The following HDAC9 variants were observed in gnomAD, a reference collection of about 807,000 sequenced individuals.
The protein encoded by HDAC9 is MEF-2 interacting transcription repressor (MITR) protein.
Under a neutral mutation model 139.4 loss-of-function variants are expected in HDAC9, and 41 were observed. The ratio of observed to expected loss-of-function variants is 0.29; its 90% CI spans 0.23 to 0.38. HDAC9 has a LOEUF of 0.38. HDAC9 is among the 10% of genes least tolerant of loss of function. The pLI is 1.00. For synonymous variants in HDAC9, 517 were observed against 476.2 expected, an observed-to-expected ratio of 1.09 and a Z score of -1.12; for missense variants, 1,147 against 1,297.0, an observed-to-expected ratio of 0.88 and a Z score of 1.78.
chr7:18,529,990 G>A (rs746771389), intron 2 of HDAC9, among the ~76,000 whole-genome samples: 3 of 152,018 alleles, frequency 2.0e-5, no homozygotes, highest in Non-Finnish European at 2.9e-5. Context: ...ATAATTACAG[G>A]TCGGGCACGG....
chr7:18,379,071 T>C (rs1785221021), intron 1 of HDAC9, among the ~76,000 whole-genome samples: 1 of 152,218 alleles, frequency 6.6e-6, no homozygotes, highest in Non-Finnish European at 1.5e-5. Flanking sequence ...AATGCAGCTA[T>C]TGACATTTAT....
At chr7:18,330,039 C>T (rs974626954) in intron 1 of HDAC9, among the ~76,000 whole-genome samples, 1 of 150,816 alleles carries the variant, frequency 6.6e-6, no homozygotes, top group African/African-American at 2.4e-5. Flanking sequence ...AGGTATGATA[C>T]CCACCTCTCA....
intron 1 of HDAC9, among the ~76,000 whole-genome samples, chr7:18,090,826 A>G (rs567127011): frequency 1.2e-4 from 18 of 152,248 alleles, no homozygotes; most frequent in Non-Finnish European, 2.2e-4. Context: ...TTCCATGTAG[A>G]TCTCATATCT....
chr7:18,307,357 C>T (rs1030517158), intron 1 of HDAC9, among the ~76,000 whole-genome samples: 1 of 152,246 alleles, frequency 6.6e-6, no homozygotes, highest in African/African-American at 2.4e-5. Context: ...TGAGAATCAT[C>T]TTGAACACAT....
chr7:18,849,460 C>G (rs1230665000), intron 21 of HDAC9, among the ~76,000 whole-genome samples: 1 of 152,094 alleles, frequency 6.6e-6, no homozygotes, highest in Non-Finnish European at 1.5e-5. Context: ...TAATATTTTA[C>G]AGTCATATAT....
chr7:18,996,531 T>C lies in HDAC9; in HGVS notation c.*469T>C, dbSNP rs1000402412. 6.5e-6 allele frequency: 1 copy of C among 154,862 alleles called. No individual in the cohort carries two copies. Among genetic ancestry groups the C allele is most frequent in the Non-Finnish European group, 1.4e-5 (1 of 69,720 alleles). The allele number at this position is 154,862 out of a possible 1,614,324, so 9.6% of individuals were successfully genotyped here. On this transcript the variant is annotated 3_prime_UTR_variant, in exon 26 of 26. Coordinates refer to ENST00000686413, the MANE Select transcript of HDAC9 (RefSeq NM_178425.4). Reference sequence around the variant, plus strand: ...TTAACTTGTTTACAAGATTTGCTTTTAGCTATGAACGGATCGTAATTCCAC... The same window carrying C: ...TTAACTTGTTTACAAGATTTGCTTTCAGCTATGAACGGATCGTAATTCCAC...
At chr7:18,090,181 T>C (rs182071488) in intron 1 of HDAC9, among the ~76,000 whole-genome samples, 193 of 152,326 alleles carry the variant, frequency 1.3e-3, no homozygotes, top group African/African-American at 4.4e-3. Flanking sequence ...TACCCAACGT[T>C]ACACCATAGT....
intron 17 of HDAC9, among the ~76,000 whole-genome samples, chr7:18,825,533 A>C (rs1562967575): frequency 6.6e-6 from 1 of 152,032 alleles, no homozygotes; most frequent in Non-Finnish European, 1.5e-5. Flanking sequence ...GAGCTTCTTT[A>C]GTGGACTAAT....
At chr7:18,274,283 TTGTC>T (rs1393716953) in intron 2 of HDAC9, among the ~76,000 whole-genome samples, 1 of 152,104 alleles carries the variant, frequency 6.6e-6, no homozygotes, top group African/African-American at 2.4e-5. Flanking sequence ...GGCTGGAAAA[TTGTC>T]TGCATCTGGT....
Position 18,226,356 on chromosome 7 carries a change from G to T in HDAC9, c.25+64007G>T, listed in dbSNP as rs188898517. Among the ~76,000 whole-genome samples the T allele has an allele frequency of 2.8e-4, 42 of 152,204 alleles. No homozygotes were observed. The East Asian group carries it at 6.6e-3, about 24-fold the overall frequency. On this transcript the variant is annotated intron_variant, in intron 2 of 12. Coordinates refer to the HDAC9 transcript ENST00000417496. ...CCTGCAGGGAAAAGACTTGGCCCCT[G>T]TGAGACATACAGCACCTGGAGGTTG...
intron 2 of HDAC9, among the ~76,000 whole-genome samples, chr7:18,226,652 G>A (rs1793076941): frequency 6.6e-6 from 1 of 152,200 alleles, no homozygotes; most frequent in Admixed American, 6.5e-5. Flanking sequence ...GGGGTTCATT[G>A]GAAGTGATAT....
At chr7:18,759,207 T>G (rs1178176) in intron 14 of HDAC9, among the ~76,000 whole-genome samples, 46,757 of 151,912 alleles carry the variant, frequency 0.31, 8,432 homozygotes, top group East Asian at 0.65. Context: ...AGCAGGTTTC[T>G]TCTTATCAGG....
At chr7:18,510,190 G>A (rs537421846) in intron 2 of HDAC9, among the ~76,000 whole-genome samples, 6 of 152,240 alleles carry the variant, frequency 3.9e-5, no homozygotes, top group Middle Eastern at 3.4e-3. Context: ...TTAACAATGT[G>A]TGTATGACCC....
At chr7:18,364,582 G>T (rs770926858) in intron 1 of HDAC9, among the ~76,000 whole-genome samples, 5 of 151,992 alleles carry the variant, frequency 3.3e-5, no homozygotes, top group Admixed American at 1.3e-4. Flanking sequence ...AGCAGCATGG[G>T]CACCCTGGAA....
intron 1 of HDAC9, among the ~76,000 whole-genome samples, chr7:18,392,404 GATA>G (rs1562946413): frequency 4.8e-4 from 22 of 46,178 alleles, no homozygotes; most frequent in Non-Finnish European, 9.3e-4. Context: ...TAGATGGATA[GATA>G]GATAGATAGA....
chr7:18,429,404 G>A (rs2128760224), intron 1 of HDAC9: 1 of 152,244 alleles, frequency 6.6e-6, no homozygotes, highest in South Asian at 2.1e-4. Context: ...AGAATGTGGT[G>A]TTTTGTTCCT....
At chr7:18,613,126 A>G (rs1213832359) in intron 6 of HDAC9, among the ~76,000 whole-genome samples, 2 of 148,506 alleles carry the variant, frequency 1.3e-5, no homozygotes, top group African/African-American at 2.4e-5. Context: ...GTATAATATA[A>G]TAGATATATT....
chr7:18,148,644 G>A (rs1046642150), intron 1 of HDAC9, among the ~76,000 whole-genome samples: 1 of 152,008 alleles, frequency 6.6e-6, no homozygotes, highest in African/African-American at 2.4e-5. Flanking sequence ...ATTTTTAGTA[G>A]AGATGGGATT....
rs189250882 is a variant in HDAC9 at position 18,775,239 on chromosome 7, G to C, written c.2214+8084G>C. On this transcript the variant is annotated intron_variant, in intron 16 of 25. Coordinates refer to ENST00000686413, the MANE Select transcript of HDAC9 (RefSeq NM_178425.4). Reference sequence around the variant, plus strand: ...GATAAAATAATGATGAAAAACTTTTGAAATATTGCAGGAATTACCAAAATG... The same window carrying C: ...GATAAAATAATGATGAAAAACTTTTCAAATATTGCAGGAATTACCAAAATG... Among the ~76,000 whole-genome samples, 356 of 152,114 alleles carry C rather than the reference G, an allele frequency of 2.3e-3. 2 individuals carry two copies. Among genetic ancestry groups the C allele is most frequent in the Admixed American group, 5.0e-3 (76 of 15,252 alleles).
Sources: gnomAD v4.1 joint callset for allele counts (sites outside exome capture counted in the v4.1 genomes callset) on GRCh38, gnomAD v4.1.1 for gene constraint, MANE v1.5 for transcripts, NCBI Gene and HGNC (gene_info 2026-07-23, HGNC 2026-07-21) for gene names.